Variants in LAMA2 observed in about 807,000 individuals in gnomAD.
The protein encoded by LAMA2 is laminin subunit alpha-2.
LAMA2 carries 269 observed loss-of-function variants against 364.8 expected under a neutral mutation model. The observed-to-expected ratio is 0.74, with a 90% CI of 0.67 to 0.82. LAMA2 has a LOEUF of 0.82. Ranked by LOEUF, LAMA2 falls within the 40% of genes least tolerant of loss-of-function variation. The pLI is 0.00. For missense variants in LAMA2, 3,807 were observed against 3,873.2 expected, an observed-to-expected ratio of 0.98 and a Z score of 0.45; for synonymous variants, 1,379 against 1,370.6, an observed-to-expected ratio of 1.01 and a Z score of -0.14.
rs138329506 is a variant in LAMA2, at chr6:129,317,952, A to G, written c.4058+1781A>G. On this transcript the variant is annotated intron_variant, in intron 27 of 64. Coordinates refer to ENST00000421865, the MANE Select transcript of LAMA2 (RefSeq NM_000426.4). ...TTTCTTTTGTCACACTGTTTTACAT[A>G]CCTCACCAAATGAGATCTTTTGGTT... is the stretch of plus-strand genomic sequence containing the variant. Among the ~76,000 whole-genome samples, 602 of 150,348 alleles carry G rather than the reference A, an allele frequency of 4.0e-3. 1 individual carries two copies. The highest frequency in any genetic ancestry group is 6.6e-3 in the Admixed American group (100 of 15,136).
At chr6:129,466,259 G>A (rs1783536053) in intron 51 of LAMA2, among the ~76,000 whole-genome samples, 1 of 151,924 alleles carries the variant, frequency 6.6e-6, no homozygotes, top group African/African-American at 2.4e-5. Context: ...TAATTGCTGT[G>A]ATAGAGATGT....
intron 33 of LAMA2, among the ~76,000 whole-genome samples, chr6:129,366,577 A>C (rs894055002): frequency 2.6e-5 from 4 of 152,136 alleles, no homozygotes; most frequent in Non-Finnish European, 5.9e-5. Context: ...TGTACCCCCC[A>C]GTGTCTGGCC....
chr6:129,414,714 CT>C (rs1562542434), intron 40 of LAMA2, among the ~76,000 whole-genome samples: 3 of 152,124 alleles, frequency 2.0e-5, no homozygotes, highest in African/African-American at 7.2e-5. Context: ...AAATTTCTTT[CT>C]TTTTCTAAAT....
intron 1 of LAMA2, among the ~76,000 whole-genome samples, chr6:129,040,592 G>A (rs1308808812): frequency 6.6e-6 from 1 of 152,176 alleles, no homozygotes; most frequent in Non-Finnish European, 1.5e-5. Context: ...TCATGCCACT[G>A]CACTCCAGCC....
chr6:129,078,645 A>T (rs942411835), intron 3 of LAMA2, among the ~76,000 whole-genome samples: 12 of 152,140 alleles, frequency 7.9e-5, no homozygotes, highest in Non-Finnish European at 1.6e-4. Flanking sequence ...CTATTTTTTT[A>T]AAAAGTCATG....
intron 4 of LAMA2, among the ~76,000 whole-genome samples, chr6:129,139,776 T>A (rs183256131): frequency 9.7e-4 from 147 of 152,258 alleles, no homozygotes; most frequent in African/African-American, 3.3e-3. Flanking sequence ...AAATTCTTTG[T>A]CCATATCTGT....
At chr6:128,987,016 A>T (rs1206413611) in intron 1 of LAMA2, among the ~76,000 whole-genome samples, 2 of 151,986 alleles carry the variant, frequency 1.3e-5, no homozygotes, top group Admixed American at 1.3e-4. Context: ...TTGTTTAAAC[A>T]GTCCGCTTAA....
At chr6:129,225,368 TCTG>T (rs1325426925) in intron 12 of LAMA2, among the ~76,000 whole-genome samples, 1 of 152,202 alleles carries the variant, frequency 6.6e-6, no homozygotes, top group Non-Finnish European at 1.5e-5. Flanking sequence ...TTTCTTGCCT[TCTG>T]CTAGCTTTTG....
chr6:129,212,688 C>G (rs1467023557), intron 12 of LAMA2, among the ~76,000 whole-genome samples: 1 of 152,136 alleles, frequency 6.6e-6, no homozygotes, highest in Non-Finnish European at 1.5e-5. Context: ...TTTCAAACAT[C>G]GATTTCGGGT....
chr6:129,205,293 G>A (rs1265672282), intron 12 of LAMA2, among the ~76,000 whole-genome samples: 6 of 151,632 alleles, frequency 4.0e-5, no homozygotes, highest in African/African-American at 1.5e-4. Context: ...TTGAGAGGCT[G>A]AGGCAGGAGA....
intron 9 of LAMA2, among the ~76,000 whole-genome samples, chr6:129,174,736 AG>A (rs749496731): frequency 7.2e-5 from 11 of 152,138 alleles, no homozygotes; most frequent in Admixed American, 2.6e-4. Flanking sequence ...GCTTTCTAGA[AG>A]TCAATTTTGT....
At chr6:129,041,604 C>T (rs1256650726) in intron 1 of LAMA2, among the ~76,000 whole-genome samples, 1 of 152,144 alleles carries the variant, frequency 6.6e-6, no homozygotes, top group Non-Finnish European at 1.5e-5. Context: ...ACATATGTGT[C>T]ATATTTCTAT....
At chr6:129,498,345 G>C (rs1048757475) in intron 58 of LAMA2, among the ~76,000 whole-genome samples, 17 of 152,202 alleles carry the variant, frequency 1.1e-4, no homozygotes, top group African/African-American at 4.1e-4. Context: ...ACACCTTTAA[G>C]ACCTAAGTAC....
At chr6:129,022,257 C>T (rs547077508) in intron 1 of LAMA2, among the ~76,000 whole-genome samples, 16 of 152,206 alleles carry the variant, frequency 1.1e-4, no homozygotes, top group Non-Finnish European at 2.4e-4. Context: ...TTTAAGATAA[C>T]ATCATACATT....
At chr6:129,353,408 G>T in intron 32 of LAMA2, 51 bp downstream of exon 32, 2 of 1,449,510 alleles carry the variant, frequency 1.4e-6, no homozygotes, top group Non-Finnish European at 1.9e-6. Flanking sequence ...TTCCAGTTCT[G>T]TCTCATTTCC....
intron 12 of LAMA2, among the ~76,000 whole-genome samples, chr6:129,238,699 A>T (rs1159081989): frequency 6.6e-6 from 1 of 152,160 alleles, no homozygotes; most frequent in Non-Finnish European, 1.5e-5. Flanking sequence ...AACAGTGTGA[A>T]CTTGAACAAT....
At chr6:129,050,190 A>T (rs1787900921) in intron 2 of LAMA2, 102 bp downstream of exon 2, 1 of 1,146,816 alleles carries the variant, frequency 8.7e-7, no homozygotes, top group East Asian at 2.4e-5. Context: ...AATACTAAGA[A>T]TTCCTAGAAT....
chr6:129,276,601 G>T (rs1196578971), intron 17 of LAMA2, among the ~76,000 whole-genome samples: 1 of 152,002 alleles, frequency 6.6e-6, no homozygotes, highest in Non-Finnish European at 1.5e-5. Context: ...GAATTGTTGA[G>T]CTTCTATTGA....
chr6:129,098,823 A>G (rs961375978), intron 4 of LAMA2, among the ~76,000 whole-genome samples: 1 of 152,166 alleles, frequency 6.6e-6, no homozygotes, highest in Non-Finnish European at 1.5e-5. Flanking sequence ...CACATGAAAG[A>G]CCCAAATGAA....
Sources: gnomAD v4.1 joint callset for allele counts (sites outside exome capture counted in the v4.1 genomes callset) on GRCh38, gnomAD v4.1.1 for gene constraint, MANE v1.5 for transcripts, NCBI Gene and HGNC (gene_info 2026-07-23, HGNC 2026-07-21) for gene names.